The following RB1 variants were observed in gnomAD, a reference collection of about 807,000 sequenced individuals.
The protein encoded by RB1 is RB transcriptional corepressor 1.
RB1 carries 18 observed loss-of-function variants against 135.4 expected under a neutral mutation model. The observed-to-expected ratio is 0.13, with a 90% CI of 0.09 to 0.20. The LOEUF (loss-of-function observed/expected upper bound fraction) is 0.20, where lower values mean the gene tolerates loss of function less well. Among genes scored for constraint, RB1 ranks in the 10% least tolerant of loss-of-function variants. The pLI is 1.00. For synonymous variants in RB1, 365 were observed against 373.2 expected, an observed-to-expected ratio of 0.98 and a Z score of 0.25; for missense variants, 868 against 1,110.0, an observed-to-expected ratio of 0.78 and a Z score of 3.10.
chr13:48,440,576 G>A (rs1949227197), intron 17 of RB1, among the ~76,000 whole-genome samples: 1 of 152,144 alleles, frequency 6.6e-6, no homozygotes, highest in Non-Finnish European at 1.5e-5. Flanking sequence ...TTGGGGTAAG[G>A]CGATCTGCCT....
At chr13:48,383,618 A>G (rs1948552866) in intron 17 of RB1, among the ~76,000 whole-genome samples, 1 of 152,046 alleles carries the variant, frequency 6.6e-6, no homozygotes, top group Non-Finnish European at 1.5e-5. Context: ...GTATTGCCAT[A>G]TAGACAGAGT....
chr13:48,324,118 G>A lies in RB1; in HGVS notation c.264+16712G>A, dbSNP rs555253632. 3.3e-5 allele frequency among the ~76,000 whole-genome samples: 5 copies of A among 152,024 alleles called. No individual in the cohort carries two copies. In the East Asian group the frequency reaches 9.6e-4, roughly 29 times the overall value. ...ATTTATGGGATACATGTGATGTTTT[G>A]ATACAAGCATATAATGTGTAATGAC... On this transcript the variant is annotated intron_variant, in intron 2 of 26. Coordinates refer to ENST00000267163, the MANE Select transcript of RB1 (RefSeq NM_000321.3).
chr13:48,367,365 C>A, intron 9 of RB1, 129 bp from the exon 10 acceptor site: 2 of 970,594 alleles, frequency 2.1e-6, no homozygotes, highest in Non-Finnish European at 2.9e-6. Context: ...ATATTGCATG[C>A]GAACTCAGTG....
rs145550095 is a variant in RB1, at chr13:48,335,374, G to T, written c.265-7225G>T. ...CACTAAATCTTTTTTTAATTTTTAA[G>T]TTTTGTGGGTACATATCAAGTGTAC... On this transcript the variant is annotated intron_variant, in intron 2 of 26. Coordinates refer to ENST00000267163, the MANE Select transcript of RB1 (RefSeq NM_000321.3). 5.6e-3 allele frequency among the ~76,000 whole-genome samples: 845 copies of T among 151,860 alleles called. 5 individuals carry two copies. The highest frequency in any genetic ancestry group is 0.01 in the Middle Eastern group (3 of 294).
chr13:48,418,380 A>T (rs1041044496), intron 17 of RB1, among the ~76,000 whole-genome samples: 8 of 152,202 alleles, frequency 5.3e-5, no homozygotes, highest in Non-Finnish European at 1.5e-5. Flanking sequence ...TCCTGAAGGA[A>T]GCACTAAATA....
chr13:48,370,310 A>G (rs1952746304), intron 11 of RB1, among the ~76,000 whole-genome samples: 6 of 152,086 alleles, frequency 3.9e-5, no homozygotes, highest in Admixed American at 3.9e-4. Context: ...AGAAACAAGC[A>G]ATCAGTTCTG....
At chr13:48,411,720 A>C in intron 17 of RB1, 1 of 1,605,662 alleles carries the variant, frequency 6.2e-7, no homozygotes, top group Non-Finnish European at 8.5e-7. Context: ...GAATATGATC[A>C]AATGTACAAA....
At chr13:48,391,679 C>G (rs1948611933) in intron 17 of RB1, 1 of 152,192 alleles carries the variant, frequency 6.6e-6, no homozygotes, top group Admixed American at 6.6e-5. Context: ...AGTGCAGTGG[C>G]GCGATCTTGG....
intron 17 of RB1, 119 bp from the exon 18 acceptor site, chr13:48,452,874 C>T: frequency 3.6e-6 from 5 of 1,387,982 alleles, no homozygotes; most frequent in Non-Finnish European, 4.9e-6. Flanking sequence ...TTTTAAATTG[C>T]CACTGTCAAT....
chr13:48,463,331 C>T (rs1353151057), intron 20 of RB1, among the ~76,000 whole-genome samples: 1 of 152,166 alleles, frequency 6.6e-6, no homozygotes, highest in Non-Finnish European at 1.5e-5. Context: ...GTCACCATAG[C>T]CTCCTTACCA....
chr13:48,351,548 G>T lies in RB1; in HGVS notation c.607+2525G>T, dbSNP rs528933757. Among the ~76,000 whole-genome samples the T allele has an allele frequency of 1.0e-3, 152 of 152,100 alleles. 1 individual carries two copies. Among genetic ancestry groups the T allele is most frequent in the Non-Finnish European group, 1.7e-3 (114 of 67,974 alleles). ...ATTCTGTAGGTTGTTCATTTACTCT[G>T]TTGATTGTTTCTTTTGCTGTGCAGA... On this transcript the variant is annotated intron_variant, in intron 6 of 26. Transcript: ENST00000267163.
chr13:48,375,655 T>C (rs952119851), intron 12 of RB1, among the ~76,000 whole-genome samples: 2 of 151,916 alleles, frequency 1.3e-5, no homozygotes, highest in African/African-American at 4.8e-5. Flanking sequence ...ATTGGCTCAC[T>C]ACAACCTCCA....
chr13:48,360,347 AATG>A, intron 7 of RB1: 1 of 966,800 alleles, frequency 1.0e-6, no homozygotes, highest in Non-Finnish European at 1.4e-6. Context: ...AAATACAACA[AATG>A]GAGGTTTGGG....
intron 2 of RB1, 42 bp downstream of exon 2, chr13:48,307,448 T>C (rs769968135): frequency 1.3e-6 from 2 of 1,576,700 alleles, no homozygotes; most frequent in South Asian, 1.1e-5. Flanking sequence ...TTTTTTCTCA[T>C]TTTAAAAACA....
At chr13:48,305,576 T>C (rs1952074181) in intron 1 of RB1, among the ~76,000 whole-genome samples, 1 of 152,258 alleles carries the variant, frequency 6.6e-6, no homozygotes, top group East Asian at 1.9e-4. Context: ...TTGTGGCCAC[T>C]GCTTGGAAAA....
chr13:48,412,168 C>T (rs200247168), intron 17 of RB1: 1 of 1,614,010 alleles, frequency 6.2e-7, no homozygotes, highest in African/African-American at 1.3e-5. Flanking sequence ...CAAAGTAAAT[C>T]TCCAAATGGC....
intron 17 of RB1, chr13:48,445,107 A>G (rs1224642247): frequency 6.6e-6 from 1 of 152,132 alleles, no homozygotes; most frequent in Non-Finnish European, 1.5e-5. Flanking sequence ...TTCTTGAGAC[A>G]TTGGAGCTAG....
intron 6 of RB1, among the ~76,000 whole-genome samples, chr13:48,355,526 T>G (rs973229517): frequency 6.6e-6 from 1 of 151,974 alleles, no homozygotes; most frequent in Non-Finnish European, 1.5e-5. Context: ...CTCAAAAAAA[T>G]TAAAAATTGA....
intron 9 of RB1, among the ~76,000 whole-genome samples, chr13:48,366,342 T>G (rs1952697665): frequency 6.6e-6 from 1 of 152,222 alleles, no homozygotes; most frequent in Non-Finnish European, 1.5e-5. Flanking sequence ...TGACTGGTAA[T>G]TAGTGCCTCA....
Sources: gnomAD v4.1 joint callset for allele counts (sites outside exome capture counted in the v4.1 genomes callset) on GRCh38, gnomAD v4.1.1 for gene constraint, MANE v1.5 for transcripts, NCBI Gene and HGNC (gene_info 2026-07-23, HGNC 2026-07-21) for gene names.